The following SLC20A2 variants were observed in gnomAD, a reference collection of about 807,000 sequenced individuals.
SLC20A2 encodes the protein sodium-dependent phosphate transporter 2.
A neutral mutation model predicts 61.0 loss-of-function variants in SLC20A2; 30 were observed. The ratio of observed to expected loss-of-function variants is 0.49; its 90% CI spans 0.37 to 0.67. The LOEUF is 0.67. Ranked by LOEUF, SLC20A2 falls within the 30% of genes least tolerant of loss-of-function variation. The pLI, the probability that SLC20A2 is intolerant of heterozygous loss-of-function variation, is 0.00. For synonymous variants in SLC20A2, 351 were observed against 353.3 expected (o/e 0.99, Z 0.07); for missense variants, 626 against 866.4 (o/e 0.72, Z 3.48).
At position 42,487,271 on chromosome 8, in the gene SLC20A2, G is replaced by A. The variant is rs561800192; in HGVS notation, c.-265+13760C>T. ...TGGCTCACTGCAAGCTCTGCCTCCC[G>A]GGTTCACGCCATTCTCCTGCCTCAG... On this transcript the variant is annotated intron_variant, in intron 1 of 10. Coordinates refer to ENST00000520262, the MANE Select transcript of SLC20A2 (RefSeq NM_001257180.2). Among the ~76,000 whole-genome samples the A allele has an allele frequency of 1.7e-4, 25 of 150,028 alleles. No individual in the cohort carries two copies. In the South Asian group the frequency reaches 3.0e-3, roughly 18 times the overall value.
upstream of SLC20A2, among the ~76,000 whole-genome samples, chr8:42,503,067 G>A (rs1397956207): frequency 6.6e-6 from 1 of 152,212 alleles, no homozygotes; most frequent in African/African-American, 2.4e-5. Context: ...GGGCCCCTGA[G>A]CAATGCTCCG....
chr8:42,518,786 C>T (rs1021679261), intron 1 of SLC20A2, among the ~76,000 whole-genome samples: 1 of 152,210 alleles, frequency 6.6e-6, no homozygotes, highest in African/African-American at 2.4e-5. Context: ...TCCCACCCAT[C>T]CCACTTCAAA....
intron 5 of SLC20A2, among the ~76,000 whole-genome samples, chr8:42,452,554 G>A (rs1226343182): frequency 1.3e-5 from 2 of 151,190 alleles, no homozygotes; most frequent in African/African-American, 4.9e-5. Flanking sequence ...TAAAGAGGAG[G>A]AGCAGGAAGA....
intron 1 of SLC20A2, among the ~76,000 whole-genome samples, chr8:42,528,913 C>A (rs529753279): frequency 1.3e-5 from 2 of 151,820 alleles, no homozygotes; most frequent in Admixed American, 1.3e-4. Context: ...GTGATCCCCC[C>A]GCCTCAGCCT....
Position 42,485,288 on chromosome 8 carries a change from AC to A in SLC20A2, c.-264-12635del, listed in dbSNP as rs1021022979. On this transcript the variant is annotated intron_variant, in intron 1 of 10. Transcript: ENST00000520262. ...CGTACAAATAAAAGACCCAGAAAGC[AC>A]CCCCCTCCAAAAAAGGGGAGCTTGT... Among the ~76,000 whole-genome samples the A allele has an allele frequency of 5.3e-5, 8 of 151,228 alleles. No individual in the cohort carries two copies. In the South Asian group the frequency reaches 6.3e-4, roughly 12 times the overall value.
upstream of SLC20A2, among the ~76,000 whole-genome samples, chr8:42,505,099 C>A (rs1269053656): frequency 4.7e-5 from 2 of 42,740 alleles, no homozygotes; most frequent in African/African-American, 1.3e-4. Flanking sequence ...GGACGCAATA[C>A]CCCCCCAACC....
intron 1 of SLC20A2, among the ~76,000 whole-genome samples, chr8:42,476,794 C>T (rs1204619255): frequency 6.6e-6 from 1 of 152,172 alleles, no homozygotes; most frequent in Non-Finnish European, 1.5e-5. Flanking sequence ...CTTCTTTCCT[C>T]TCTGTGGTTA....
intron 1 of SLC20A2, among the ~76,000 whole-genome samples, chr8:42,518,346 A>G (rs1443173685): frequency 6.6e-6 from 1 of 152,222 alleles, no homozygotes; most frequent in Non-Finnish European, 1.5e-5. Flanking sequence ...ATGGCTATTC[A>G]TATTTTATTC....
intron 1 of SLC20A2, among the ~76,000 whole-genome samples, chr8:42,488,412 A>AAACCTGTGATCCGCCCGC (rs1809220431): frequency 6.7e-6 from 1 of 149,078 alleles, no homozygotes; most frequent in Non-Finnish European, 1.5e-5. Flanking sequence ...CTGGTCTCAA[A>AAACCTGTGATCCGCCCGC]CTCCTGACCT....
At position 42,513,575 on chromosome 8, in the gene SLC20A2, G is replaced by C. The variant is rs77187094; in HGVS notation, c.-265+28246C>G. 7.4e-4 allele frequency among the ~76,000 whole-genome samples: 112 copies of C among 152,284 alleles called. 1 individual carries two copies. The East Asian group carries it at 0.021, about 28-fold the overall frequency. On this transcript the variant is annotated intron_variant, in intron 1 of 10. Coordinates refer to the SLC20A2 transcript ENST00000342228. ...AACCACTCCTATACCACATTGACTT[G>C]CATTCCCCAACCCCATAGATTTCCT...
chr8:42,479,223 T>G (rs1357285341), intron 1 of SLC20A2, among the ~76,000 whole-genome samples: 1 of 152,210 alleles, frequency 6.6e-6, no homozygotes, highest in Admixed American at 6.5e-5. Context: ...TTTACGCAAA[T>G]ATAAACATTT....
intron 1 of SLC20A2, among the ~76,000 whole-genome samples, chr8:42,539,359 C>T (rs1376444836): frequency 1.3e-5 from 2 of 152,186 alleles, no homozygotes; most frequent in African/African-American, 2.4e-5. Context: ...TATGCCTACA[C>T]AAATCATTAA....
intron 9 of SLC20A2, among the ~76,000 whole-genome samples, chr8:42,429,443 T>C (rs558208993): frequency 2.0e-5 from 3 of 152,334 alleles, no homozygotes; most frequent in African/African-American, 4.8e-5. Flanking sequence ...CCAGAGCCTG[T>C]AGGAAAAGGA....
At chr8:42,418,888 C>T (rs1366557120) in intron 10 of SLC20A2, among the ~76,000 whole-genome samples, 1 of 150,980 alleles carries the variant, frequency 6.6e-6, no homozygotes, top group Non-Finnish European at 1.5e-5. Flanking sequence ...GTCCCAGCTA[C>T]TTGGGAGGCT....
intron 1 of SLC20A2, among the ~76,000 whole-genome samples, chr8:42,538,538 G>C (rs957728028): frequency 1.3e-5 from 2 of 152,222 alleles, no homozygotes; most frequent in Admixed American, 6.5e-5. Context: ...TTCACTAGTG[G>C]AAAGTGGAGA....
At chr8:42,479,550 C>T (rs574049195) in intron 1 of SLC20A2, among the ~76,000 whole-genome samples, 17 of 151,940 alleles carry the variant, frequency 1.1e-4, no homozygotes, top group South Asian at 8.3e-4. Context: ...CTTAGCTGGG[C>T]GCAGTGGCTC....
intron 6 of SLC20A2, among the ~76,000 whole-genome samples, chr8:42,442,945 C>G (rs1804889580): frequency 6.6e-6 from 1 of 151,944 alleles, no homozygotes; most frequent in African/African-American, 2.4e-5. Context: ...TTTGAGAGTT[C>G]TGTAAAAAGC....
In SLC20A2 at chr8:42,526,240, C is replaced by T. The variant is rs186888598; in HGVS notation, c.-265+15581G>A. ...AAATGGCCTGCTGCCTCTGTGATCT[C>T]CCTCCCTGAAACTCCTAACCCCAGC... is the stretch of plus-strand genomic sequence containing the variant. On this transcript the variant is annotated intron_variant, in intron 1 of 10. Coordinates refer to the SLC20A2 transcript ENST00000342228. 5.7e-4 allele frequency among the ~76,000 whole-genome samples: 87 copies of T among 152,264 alleles called. 1 individual carries two copies. Among genetic ancestry groups the T allele is most frequent in the Middle Eastern group, 3.4e-3 (1 of 294 alleles).
At chr8:42,531,259 C>G (rs1238836124) in intron 1 of SLC20A2, among the ~76,000 whole-genome samples, 1 of 152,184 alleles carries the variant, frequency 6.6e-6, no homozygotes, top group East Asian at 1.9e-4. Context: ...TCTTTACTAA[C>G]TGCTCAGGGA....
Sources: allele counts gnomAD v4.1 joint callset (sites outside exome capture counted in the v4.1 genomes callset), GRCh38; gene constraint gnomAD v4.1.1; transcripts MANE v1.5; gene names NCBI Gene and HGNC (gene_info 2026-07-23, HGNC 2026-07-21).